The following PNPLA8 variants were observed in gnomAD, a reference collection of about 807,000 sequenced individuals.
PNPLA8 encodes the protein calcium-independent phospholipase A2-gamma.
In PNPLA8, 39 loss-of-function variants were observed where a neutral mutation model predicts 76.9. The observed-to-expected ratio is 0.51, with a 90% confidence interval of 0.39 to 0.66. The LOEUF is 0.66. PNPLA8 is among the 30% of genes least tolerant of loss of function. The pLI is 0.00. For missense variants in PNPLA8, 887 were observed against 918.0 expected (o/e 0.97, Z 0.44); for synonymous variants, 301 against 307.9 (o/e 0.98, Z 0.24).
chr7:108,495,273 T>G (rs1306543307), intron 7 of PNPLA8, among the ~76,000 whole-genome samples: 1 of 152,214 alleles, frequency 6.6e-6, no homozygotes, highest in Non-Finnish European at 1.5e-5. Flanking sequence ...AAATTTTATT[T>G]TGAACTGCAA....
At chr7:108,484,063 C>T (rs769734987) in intron 9 of PNPLA8, among the ~76,000 whole-genome samples, 1 of 151,830 alleles carries the variant, frequency 6.6e-6, no homozygotes, top group Non-Finnish European at 1.5e-5. Flanking sequence ...TCAGAAAAGA[C>T]AAAAAAGGGA....
intron 5 of PNPLA8, among the ~76,000 whole-genome samples, chr7:108,499,013 A>G (rs1303309279): frequency 1.3e-5 from 2 of 152,228 alleles, no homozygotes; most frequent in East Asian, 3.8e-4. Flanking sequence ...GATTTTTTAA[A>G]TACAACAAAT....
chr7:108,506,223 C>T (rs1311670257), intron 4 of PNPLA8, among the ~76,000 whole-genome samples: 1 of 151,894 alleles, frequency 6.6e-6, no homozygotes, highest in Non-Finnish European at 1.5e-5. Context: ...ACTAAAAAAC[C>T]AAAAATTAGC....
At chr7:108,496,286 C>G (rs910890465) in intron 7 of PNPLA8, 1 of 224,402 alleles carries the variant, frequency 4.5e-6, no homozygotes, top group African/African-American at 2.3e-5. Context: ...TGACTTGAGA[C>G]ACATTTAATA....
chr7:108,497,760 A>AT lies in PNPLA8; in HGVS notation c.1359-184dup, dbSNP rs561406537. On this transcript the variant is annotated intron_variant, in intron 5 of 10. Transcript: ENST00000257694. Reference sequence around the variant, plus strand: ...TTTTAGTATTACTTTTGAAAATCTAATATCTAAATGATAAAAAAACCTACA... The same window carrying AT: ...TTTTAGTATTACTTTTGAAAATCTAATTATCTAAATGATAAAAAAACCTACA... Among the ~76,000 whole-genome samples the AT allele has an allele frequency of 1.1e-3, 167 of 150,134 alleles. 1 individual carries two copies. The South Asian group carries it at 0.014, about 13-fold the overall frequency.
At chr7:108,507,112 G>A (rs1388645713) in intron 4 of PNPLA8, among the ~76,000 whole-genome samples, 2 of 152,028 alleles carry the variant, frequency 1.3e-5, no homozygotes, top group Admixed American at 1.3e-4. Flanking sequence ...GGCGGCCGAG[G>A]CAGGTGGATT....
intron 10 of PNPLA8, among the ~76,000 whole-genome samples, chr7:108,473,217 T>C (rs536726573): frequency 6.6e-6 from 1 of 152,326 alleles, no homozygotes; most frequent in South Asian, 2.1e-4. Flanking sequence ...ATGGACAAAA[T>C]ACTTTTGAGA....
intron 10 of PNPLA8, among the ~76,000 whole-genome samples, chr7:108,475,827 A>C (rs1859950024): frequency 6.6e-6 from 1 of 152,168 alleles, no homozygotes; most frequent in South Asian, 2.1e-4. Context: ...TCGCTGTCCT[A>C]TGTTACCTGT....
chr7:108,490,715 C>T (rs13224950), intron 8 of PNPLA8, among the ~76,000 whole-genome samples: 9 of 149,976 alleles, frequency 6.0e-5, no homozygotes, highest in African/African-American at 9.8e-5. Context: ...GCCCGGGAGG[C>T]GGAGCTTGCA....
At chr7:108,477,786 C>T (rs1041676224) in intron 10 of PNPLA8, among the ~76,000 whole-genome samples, 1 of 152,058 alleles carries the variant, frequency 6.6e-6, no homozygotes, top group African/African-American at 2.4e-5. Context: ...ACTGGTTGAG[C>T]CCAGGAGTTT....
chr7:108,515,131 C>T lies in PNPLA8; in HGVS notation c.361G>A (p.Glu121Lys), dbSNP rs1863234215. ...VSKAVFGNQN[E>K]MISRLAQFKP... ...AATTGAGCTAAACGTGAAATCATTT[C>T]ATTTTGATTGCCAAAAACAGCCTTT... The change falls in exon 3 of 11, where the codon GAA becomes AAA. Residue 121 changes from glutamate (E) to lysine (K), a missense_variant. Physicochemically the swap from Glu to Lys is moderately conservative, Grantham distance 56 (BLOSUM62 1). Coordinates refer to ENST00000257694, the MANE Select transcript of PNPLA8 (RefSeq NM_001256007.3). The T allele has an allele frequency of 6.2e-7, 1 of 1,605,862 alleles. No individual in the cohort carries two copies. The highest frequency in any genetic ancestry group is 1.7e-5 in the Admixed American group (1 of 58,408).
intron 5 of PNPLA8, among the ~76,000 whole-genome samples, chr7:108,500,608 G>A (rs1006785100): frequency 6.6e-6 from 1 of 152,082 alleles, no homozygotes; most frequent in Non-Finnish European, 1.5e-5. Context: ...TCCTGTCTCC[G>A]AGTTTCTTAA....
chr7:108,483,044 T>A (rs1860507662), intron 9 of PNPLA8, among the ~76,000 whole-genome samples: 1 of 152,228 alleles, frequency 6.6e-6, no homozygotes, highest in African/African-American at 2.4e-5. Flanking sequence ...AGTGGTAGTA[T>A]TTTGCAAACC....
intron 10 of PNPLA8, among the ~76,000 whole-genome samples, chr7:108,477,934 C>T (rs1425756821): frequency 6.6e-6 from 1 of 152,160 alleles, no homozygotes; most frequent in Non-Finnish European, 1.5e-5. Context: ...TGAATGCCTA[C>T]TATATGCCAG....
chr7:108,512,886 T>C (rs1863041383), intron 4 of PNPLA8, among the ~76,000 whole-genome samples: 1 of 152,210 alleles, frequency 6.6e-6, no homozygotes, highest in Non-Finnish European at 1.5e-5. Flanking sequence ...AGAGTTTCAA[T>C]TAGCAAGACT....
intron 10 of PNPLA8, among the ~76,000 whole-genome samples, chr7:108,478,466 C>T (rs1045554024): frequency 1.3e-5 from 2 of 152,148 alleles, no homozygotes; most frequent in Admixed American, 1.3e-4. Context: ...TCTTGGCTCA[C>T]TGCAACCTCT....
upstream of PNPLA8, among the ~76,000 whole-genome samples, chr7:108,527,314 G>A (rs2154517440): frequency 6.6e-6 from 1 of 152,294 alleles, no homozygotes; most frequent in East Asian, 1.9e-4. Flanking sequence ...AGCTTGCTAT[G>A]TTCTTGGGAC....
At chr7:108,498,609 T>C (rs1191046561) in intron 5 of PNPLA8, among the ~76,000 whole-genome samples, 1 of 152,052 alleles carries the variant, frequency 6.6e-6, no homozygotes, top group Admixed American at 6.6e-5. Flanking sequence ...TCTTTATTCA[T>C]TTTTAAAAAC....
At chr7:108,486,653 T>C (rs928665735) in intron 9 of PNPLA8, among the ~76,000 whole-genome samples, 6 of 152,128 alleles carry the variant, frequency 3.9e-5, no homozygotes, top group Non-Finnish European at 5.9e-5. Context: ...TAGGAATAGC[T>C]GGCCATAACA....
Sources: gnomAD v4.1 joint callset for allele counts (sites outside exome capture counted in the v4.1 genomes callset) on GRCh38, gnomAD v4.1.1 for gene constraint, MANE v1.5 for transcripts, NCBI Gene and HGNC (gene_info 2026-07-23, HGNC 2026-07-21) for gene names.